The following STRN3 variants were observed in gnomAD, a reference collection of about 807,000 sequenced individuals.
The protein encoded by STRN3 is striatin 3, also known as striatin-3.
A neutral mutation model predicts 95.6 loss-of-function variants in STRN3; 29 were observed. The observed-to-expected ratio is 0.30, with a 90% CI of 0.23 to 0.41. The LOEUF (loss-of-function observed/expected upper bound fraction) is 0.41. Among genes scored for constraint, STRN3 ranks in the 10% least tolerant of loss-of-function variants. The pLI is 1.00. For synonymous variants in STRN3, 331 were observed against 357.6 expected, an observed-to-expected ratio of 0.93 and a Z score of 0.84; for missense variants, 890 against 972.1, an observed-to-expected ratio of 0.92 and a Z score of 1.12.
At chr14:30,932,703 A>C (rs1192978339) in intron 7 of STRN3, among the ~76,000 whole-genome samples, 4 of 152,222 alleles carry the variant, frequency 2.6e-5, no homozygotes, top group Non-Finnish European at 5.9e-5. Context: ...AGACAGAAAG[A>C]CCAATCGGTT....
chr14:30,954,566 A>G (rs975569214), intron 3 of STRN3, among the ~76,000 whole-genome samples: 1 of 152,188 alleles, frequency 6.6e-6, no homozygotes, highest in African/African-American at 2.4e-5. Context: ...ATTTTTCTAC[A>G]TAACTGAAAA....
chr14:30,949,856 A>T (rs1468691246), intron 4 of STRN3, among the ~76,000 whole-genome samples: 2 of 152,204 alleles, frequency 1.3e-5, no homozygotes, highest in African/African-American at 2.4e-5. Flanking sequence ...GGGGTGGCCA[A>T]GGGTTATGAA....
At chr14:30,998,093 C>G (rs1411615503) in intron 1 of STRN3, among the ~76,000 whole-genome samples, 3 of 152,160 alleles carry the variant, frequency 2.0e-5, no homozygotes, top group African/African-American at 7.2e-5. Context: ...TAAAAATCAG[C>G]AGCCACTGGA....
intron 1 of STRN3, among the ~76,000 whole-genome samples, chr14:30,992,600 C>T (rs928612536): frequency 5.1e-5 from 7 of 138,396 alleles, no homozygotes; most frequent in East Asian, 2.2e-4. Context: ...AAGATGGGGT[C>T]GGGGGAAGCT....
At chr14:30,905,665 C>A in intron 14 of STRN3, 107 bp from the exon 15 acceptor site, 1 of 1,152,978 alleles carries the variant, frequency 8.7e-7, no homozygotes, top group Non-Finnish European at 1.2e-6. Context: ...TTCAAATAGT[C>A]TTGAAATACT....
At chr14:30,967,672 C>T (rs1880600934) in intron 1 of STRN3, among the ~76,000 whole-genome samples, 1 of 152,156 alleles carries the variant, frequency 6.6e-6, no homozygotes, top group South Asian at 2.1e-4. Context: ...TAGAGGAAAC[C>T]CCATTGTGAG....
At chr14:30,963,185 G>C (rs1880298065) in intron 1 of STRN3, among the ~76,000 whole-genome samples, 1 of 152,102 alleles carries the variant, frequency 6.6e-6, no homozygotes, top group South Asian at 2.1e-4. Context: ...ACAGAACGGA[G>C]AACAGACAAC....
intron 9 of STRN3, among the ~76,000 whole-genome samples, chr14:30,915,894 G>A (rs941706928): frequency 2.0e-5 from 3 of 152,132 alleles, no homozygotes; most frequent in Non-Finnish European, 4.4e-5. Context: ...AGTTTTACTC[G>A]AGTTTTGGCT....
intron 1 of STRN3, among the ~76,000 whole-genome samples, chr14:31,004,504 T>C (rs965358453): frequency 1.3e-5 from 2 of 152,180 alleles, no homozygotes; most frequent in Non-Finnish European, 2.9e-5. Flanking sequence ...CTGGGCCTGA[T>C]GGCTCACACC....
In STRN3 at chr14:30,913,691, A is replaced by G. The variant is rs749301497; in HGVS notation, c.1241-34T>C. ...AACAAAACCGCTTCTTAAATGCTGA[A>G]AAATCATACAGTACAAGACAATATT... is the stretch of plus-strand genomic sequence containing the variant. On this transcript the variant is annotated intron_variant, in intron 9 of 17. Coordinates refer to ENST00000357479, the MANE Select transcript of STRN3 (RefSeq NM_001083893.2). The G allele has an allele frequency of 3.1e-6, 5 of 1,610,094 alleles. No homozygotes were observed. The African/African-American group carries it at 4.0e-5, about 13-fold the overall frequency.
At chr14:30,966,833 A>G (rs1880536408) in intron 1 of STRN3, among the ~76,000 whole-genome samples, 1 of 152,114 alleles carries the variant, frequency 6.6e-6, no homozygotes, top group African/African-American at 2.4e-5. Flanking sequence ...TGGGATTTAT[A>G]CCAGCACGCC....
At chr14:30,956,081 T>C (rs1879888441) in intron 2 of STRN3, 58 bp downstream of exon 2, 2 of 1,437,344 alleles carry the variant, frequency 1.4e-6, no homozygotes, top group East Asian at 2.3e-5. Flanking sequence ...AGTACAATGG[T>C]ATACATGAGT....
chr14:30,961,215 T>G (rs578116959), intron 1 of STRN3, among the ~76,000 whole-genome samples: 2 of 152,260 alleles, frequency 1.3e-5, no homozygotes, highest in Non-Finnish European at 2.9e-5. Context: ...AAACAAAGAA[T>G]AGGCAACACA....
chr14:30,960,629 G>C (rs1880143916), intron 1 of STRN3, among the ~76,000 whole-genome samples: 1 of 152,108 alleles, frequency 6.6e-6, no homozygotes. Flanking sequence ...CAGCACTTTG[G>C]GAGGCTGAGG....
At chr14:30,922,109 G>A (rs1566436903) in intron 8 of STRN3, among the ~76,000 whole-genome samples, 1 of 152,078 alleles carries the variant, frequency 6.6e-6, no homozygotes, top group Non-Finnish European at 1.5e-5. Context: ...GGCTGGTCTT[G>A]AACTCTTAGG....
intron 1 of STRN3, among the ~76,000 whole-genome samples, chr14:30,966,471 C>T (rs1880515025): frequency 6.6e-6 from 1 of 152,166 alleles, no homozygotes; most frequent in Admixed American, 6.5e-5. Flanking sequence ...GTGCACCCTG[C>T]CCTATTGTGG....
intron 1 of STRN3, among the ~76,000 whole-genome samples, chr14:31,020,268 G>A (rs759514468): frequency 2.6e-5 from 4 of 152,172 alleles, no homozygotes; most frequent in Non-Finnish European, 5.9e-5. Flanking sequence ...GGAGGCCAAG[G>A]CAGGCGGATT....
At chr14:30,936,761 G>A (rs1321824309) in intron 5 of STRN3, 137 bp from the exon 6 acceptor site, 2 of 1,057,630 alleles carry the variant, frequency 1.9e-6, no homozygotes, top group Non-Finnish European at 2.6e-6. Flanking sequence ...CTTTATTCAA[G>A]AAAAGAAGTT....
chr14:31,016,542 A>AT (rs1883243382), intron 1 of STRN3, among the ~76,000 whole-genome samples: 1 of 150,110 alleles, frequency 6.7e-6, no homozygotes, highest in African/African-American at 2.4e-5. Flanking sequence ...AAATAATAAA[A>AT]ATATATATAT....
Sources: gnomAD v4.1 joint callset for allele counts (sites outside exome capture counted in the v4.1 genomes callset) on GRCh38, gnomAD v4.1.1 for gene constraint, MANE v1.5 for transcripts, NCBI Gene and HGNC (gene_info 2026-07-23, HGNC 2026-07-21) for gene names.